Variants in KLHL3 observed in about 807,000 individuals in gnomAD.
KLHL3 encodes kelch like family member 3.
In KLHL3, 19 loss-of-function variants were observed where a neutral mutation model predicts 70.5. The ratio of observed to expected loss-of-function variants is 0.27; its 90% CI spans 0.19 to 0.40. The LOEUF is 0.40. KLHL3 is among the 10% of genes least tolerant of loss of function. KLHL3 has a pLI of 1.00. For missense variants in KLHL3, 512 were observed against 771.1 expected (o/e 0.66, Z 3.98); for synonymous variants, 258 against 290.3 (o/e 0.89, Z 1.13).
rs1189454011 is a variant in KLHL3, at chr5:137,717,299, C to A, written c.134+3166G>T. On this transcript the variant is annotated intron_variant, in intron 2 of 14. Coordinates refer to ENST00000309755, the MANE Select transcript of KLHL3 (RefSeq NM_017415.3). The stretch of plus-strand genomic sequence containing the variant: ...AAGCCAAAATGCAAAGTTACAAAAT[C>A]TGTAAGTTCTATACATTGAGCTACT... 2.0e-5 allele frequency among the ~76,000 whole-genome samples: 3 copies of A among 152,246 alleles called. No homozygotes were observed. In the East Asian group the frequency reaches 5.8e-4, roughly 29 times the overall value.
chr5:137,640,892 A>T (rs1750898966), intron 8 of KLHL3, among the ~76,000 whole-genome samples: 1 of 141,486 alleles, frequency 7.1e-6, no homozygotes, highest in South Asian at 2.1e-4. Flanking sequence ...AAAATATGAT[A>T]AGAATATTAT....
intron 1 of KLHL3, among the ~76,000 whole-genome samples, chr5:137,732,639 T>TA (rs1326006242): frequency 9.2e-5 from 14 of 151,950 alleles, no homozygotes; most frequent in Admixed American, 2.0e-4. Context: ...CTTTGGATGA[T>TA]AAAAAAAGAG....
intron 3 of KLHL3, among the ~76,000 whole-genome samples, chr5:137,699,369 G>C (rs1451060642): frequency 6.6e-6 from 1 of 152,110 alleles, no homozygotes; most frequent in Non-Finnish European, 1.5e-5. Context: ...AGGTAGATGG[G>C]GCCAGGGCTT....
At chr5:137,717,438 G>A (rs1364939955) in intron 2 of KLHL3, among the ~76,000 whole-genome samples, 1 of 152,240 alleles carries the variant, frequency 6.6e-6, no homozygotes, top group Admixed American at 6.5e-5. Flanking sequence ...GCTGAGGGAG[G>A]AGAATTGCTT....
intron 4 of KLHL3, 24 bp from the exon 5 acceptor site, chr5:137,692,471 A>G: frequency 6.2e-7 from 1 of 1,612,668 alleles, no homozygotes; most frequent in Non-Finnish European, 8.5e-7. Context: ...TGACATTCTC[A>G]GATATTGGAT....
At chr5:137,638,134 C>T (rs1022373827) in intron 10 of KLHL3, among the ~76,000 whole-genome samples, 48 of 152,238 alleles carry the variant, frequency 3.2e-4, no homozygotes, top group African/African-American at 1.2e-3. Context: ...AAAAGTAATT[C>T]CCAAAAGAAA....
intron 4 of KLHL3, among the ~76,000 whole-genome samples, chr5:137,693,078 G>C (rs1427829826): frequency 1.3e-5 from 2 of 152,142 alleles, no homozygotes; most frequent in Non-Finnish European, 2.9e-5. Context: ...GGTACTTAAT[G>C]AATGATTAAT....
chr5:137,719,141 A>T (rs151053947), intron 2 of KLHL3, among the ~76,000 whole-genome samples: 2 of 152,384 alleles, frequency 1.3e-5, no homozygotes, highest in East Asian at 3.8e-4. Context: ...TTGCTTCTGT[A>T]GCCCTCTTTA....
chr5:137,709,925 T>A, intron 2 of KLHL3, 69 bp from the exon 3 acceptor site: 1 of 1,242,198 alleles, frequency 8.1e-7, no homozygotes, highest in South Asian at 1.2e-5. Context: ...TACAAGGGTA[T>A]TTTTTTCTCC....
At chr5:137,675,681 A>G (rs978733960) in intron 6 of KLHL3, among the ~76,000 whole-genome samples, 13 of 152,024 alleles carry the variant, frequency 8.6e-5, no homozygotes, top group Non-Finnish European at 1.9e-4. Context: ...CCTATTAACA[A>G]TCCACCCCTA....
At chr5:137,641,683 C>A (rs1207839932) in intron 8 of KLHL3, among the ~76,000 whole-genome samples, 3 of 152,150 alleles carry the variant, frequency 2.0e-5, no homozygotes, top group African/African-American at 7.2e-5. Context: ...ACAGATCAAC[C>A]ATTTATTCCC....
At chr5:137,641,137 T>A (rs1750904835) in intron 8 of KLHL3, among the ~76,000 whole-genome samples, 1 of 152,222 alleles carries the variant, frequency 6.6e-6, no homozygotes, top group Non-Finnish European at 1.5e-5. Context: ...TTAATAAACA[T>A]GTACAAATTC....
In KLHL3 at chr5:137,706,433, A is replaced by T. The variant is rs114618453; in HGVS notation, c.241+3317T>A. On this transcript the variant is annotated intron_variant, in intron 3 of 14. Transcript: ENST00000309755. ...GCCAATGGGCCTTAAAAATATATAA[A>T]TCTTAGATATCTTGCTGATGGGAGC... 511 of 955,052 alleles carry T rather than the reference A, an allele frequency of 5.4e-4. No individual in the cohort carries two copies. In the African/African-American group the frequency reaches 8.4e-3, roughly 16 times the overall value. The allele number at this position is 955,052 out of a possible 1,614,324, so 59.2% of individuals were successfully genotyped here.
At chr5:137,684,176 TAC>T (rs1444624585) in intron 5 of KLHL3, among the ~76,000 whole-genome samples, 1 of 152,230 alleles carries the variant, frequency 6.6e-6, no homozygotes, top group African/African-American at 2.4e-5. Context: ...TCTCTGGGGT[TAC>T]AGTTTCTTCA....
intron 6 of KLHL3, among the ~76,000 whole-genome samples, chr5:137,670,327 A>G (rs2349033): frequency 0.2 from 29,608 of 151,778 alleles, 3,104 homozygotes; most frequent in African/African-American, 0.27. Context: ...TGAAGTCACA[A>G]TCAAAAATTA....
intron 5 of KLHL3, among the ~76,000 whole-genome samples, chr5:137,686,737 G>A (rs939533955): frequency 2.0e-5 from 3 of 152,208 alleles, no homozygotes; most frequent in Non-Finnish European, 4.4e-5. Context: ...GCAGGCCCAC[G>A]TCAGTGGGTG....
intron 12 of KLHL3, among the ~76,000 whole-genome samples, chr5:137,632,061 C>T (rs1030292385): frequency 1.3e-5 from 2 of 152,174 alleles, no homozygotes; most frequent in African/African-American, 4.8e-5. Context: ...GAATCAATAT[C>T]ATTAAAATGA....
chr5:137,692,393 A>G lies in KLHL3; in HGVS notation c.418T>C (p.Cys140Arg). ...LQLMDVRQNCCDFLQSQLHPT... is the reference protein window; with the variant it reads ...LQLMDVRQNCRDFLQSQLHPT... ...TGCAACTGAGACTGCAGGAAGTCAC[A>G]GCAGTTCTGCCGAACATCCATGAGC... The change falls in exon 5 of 15, where the codon TGT becomes CGT. Residue 140 changes from cysteine to arginine, a missense_variant. By Grantham distance (180) the Cys-to-Arg change is radical. Transcript: ENST00000309755. 1 of 1,614,042 alleles carries G rather than the reference A, an allele frequency of 6.2e-7. No homozygotes were observed. The highest frequency in any genetic ancestry group is 1.1e-5 in the South Asian group (1 of 91,060).
chr5:137,703,030 G>T (rs546509355), intron 3 of KLHL3, among the ~76,000 whole-genome samples: 1 of 152,296 alleles, frequency 6.6e-6, no homozygotes, highest in East Asian at 1.9e-4. Context: ...AAGATGTCCA[G>T]AAAAATCACT....
Sources: allele counts gnomAD v4.1 joint callset (sites outside exome capture counted in the v4.1 genomes callset), GRCh38; gene constraint gnomAD v4.1.1; transcripts MANE v1.5; gene names NCBI Gene and HGNC (gene_info 2026-07-23, HGNC 2026-07-21).